Variants in ADGRV1 observed in about 807,000 individuals in gnomAD.
ADGRV1 encodes G-protein coupled receptor 98.
Under a neutral mutation model 596.2 loss-of-function variants are expected in ADGRV1, and 359 were observed. That is an observed-to-expected ratio of 0.60 (90% CI 0.55 to 0.66). The LOEUF is 0.66. Ranked by LOEUF, ADGRV1 falls within the 30% of genes least tolerant of loss-of-function variation. The pLI is 0.00. For missense variants in ADGRV1, 7,274 were observed against 7,575.6 expected (o/e 0.96, Z 1.48); for synonymous variants, 2,681 against 2,679.2 (o/e 1.00, Z -0.02).
At position 90,888,498 on chromosome 5, in the gene ADGRV1, C is replaced by A. The variant is rs74414980; in HGVS notation, c.17856+24641C>A. 9.6e-3 allele frequency among the ~76,000 whole-genome samples: 1,462 copies of A among 152,144 alleles called. 24 individuals carry two copies. The highest frequency in any genetic ancestry group is 0.033 in the African/African-American group (1,385 of 41,532). ...GTGCTTAAAAACAAAATAATACATTCTTGGCAAAAGTTGGAATGATACATT... is the reference window on the plus strand; with the variant it reads ...GTGCTTAAAAACAAAATAATACATTATTGGCAAAAGTTGGAATGATACATT... On this transcript the variant is annotated intron_variant, in intron 83 of 89. Transcript: ENST00000405460.
chr5:90,703,860 G>T, intron 35 of ADGRV1, 65 bp downstream of exon 35: 1 of 1,184,042 alleles, frequency 8.4e-7, no homozygotes, highest in Non-Finnish European at 1.2e-6. Flanking sequence ...GAGGAAAATG[G>T]GATAGAAAAG....
intron 87 of ADGRV1, among the ~76,000 whole-genome samples, chr5:91,110,139 T>A (rs140795277): frequency 6.6e-6 from 1 of 152,296 alleles, no homozygotes; most frequent in African/African-American, 2.4e-5. Context: ...TTTAAAAAAA[T>A]TGAGTTGAGT....
At chr5:91,014,070 T>C (rs1333660727) in intron 85 of ADGRV1, among the ~76,000 whole-genome samples, 1 of 151,420 alleles carries the variant, frequency 6.6e-6, no homozygotes, top group East Asian at 1.9e-4. Flanking sequence ...TCTATGTGTC[T>C]GTTTTTATAC....
intron 83 of ADGRV1, among the ~76,000 whole-genome samples, chr5:90,887,382 C>G (rs769803081): frequency 6.6e-6 from 1 of 152,140 alleles, no homozygotes; most frequent in African/African-American, 2.4e-5. Context: ...CCTCCCATCT[C>G]TCCAACAGAC....
intron 83 of ADGRV1, among the ~76,000 whole-genome samples, chr5:90,868,286 A>C (rs1768328273): frequency 6.6e-6 from 1 of 151,908 alleles, no homozygotes; most frequent in African/African-American, 2.4e-5. Context: ...AAATCCCATT[A>C]ATTAATTTTT....
chr5:90,657,735 T>C (rs528524011), intron 20 of ADGRV1, among the ~76,000 whole-genome samples, 170 bp from the exon 21 acceptor site: 1 of 151,908 alleles, frequency 6.6e-6, no homozygotes, highest in East Asian at 1.9e-4. Context: ...ATTCCTTTTT[T>C]AAAATCATAA....
intron 53 of ADGRV1, among the ~76,000 whole-genome samples, chr5:90,751,922 A>G (rs575666002): frequency 1.4e-4 from 21 of 152,310 alleles, no homozygotes; most frequent in Admixed American, 1.0e-3. Context: ...TTCTCCAGTT[A>G]TCATTTCTTA....
At chr5:90,763,172 C>A in intron 58 of ADGRV1, 133 bp from the exon 59 acceptor site, 2 of 843,906 alleles carry the variant, frequency 2.4e-6, no homozygotes, top group Non-Finnish European at 3.3e-6. Flanking sequence ...AATTTTTCTG[C>A]CACATGATAA....
At chr5:90,740,995 GTC>G (rs967785659) in intron 50 of ADGRV1, among the ~76,000 whole-genome samples, 6 of 152,198 alleles carry the variant, frequency 3.9e-5, no homozygotes, top group Non-Finnish European at 2.9e-5. Flanking sequence ...AGGTATTCTT[GTC>G]TCTGAATAGT....
chr5:90,652,026 G>A (rs1392583597), intron 18 of ADGRV1, among the ~76,000 whole-genome samples: 2 of 151,220 alleles, frequency 1.3e-5, no homozygotes, highest in Non-Finnish European at 2.9e-5. Context: ...TCTTCTCTCA[G>A]ATGATATGTG....
chr5:90,695,437 T>C (rs1382761658), intron 33 of ADGRV1, among the ~76,000 whole-genome samples: 1 of 152,138 alleles, frequency 6.6e-6, no homozygotes, highest in Admixed American at 6.6e-5. Flanking sequence ...ATTGAGATTA[T>C]TGATTACATC....
chr5:90,645,971 C>A lies in ADGRV1; in HGVS notation c.2902C>A (p.Pro968Thr), dbSNP rs1442654293. ...AAACGTGTAACATTTTCCAAAGATT[C>A]CAGAAGAAATGGAAGAATTTACCGT... ...ITIYSLPDEI[P>T]EEMEEFTVIL... Residue 968 changes from proline to threonine, a missense_variant, in exon 16 of 90, where the codon CCA (proline) becomes ACA (threonine). By Grantham distance (38) the Pro-to-Thr change is conservative (BLOSUM62 -1). Coordinates refer to ENST00000405460, the MANE Select transcript of ADGRV1 (RefSeq NM_032119.4). The A allele has an allele frequency of 6.3e-7, 1 of 1,581,868 alleles. No individual in the cohort carries two copies. Among genetic ancestry groups the A allele is most frequent in the Admixed American group, 1.7e-5 (1 of 57,554 alleles).
intron 85 of ADGRV1, among the ~76,000 whole-genome samples, chr5:91,009,268 G>C (rs1782534214): frequency 6.6e-6 from 1 of 152,138 alleles, no homozygotes; most frequent in African/African-American, 2.4e-5. Flanking sequence ...CAAGGCAGAT[G>C]ATAAAGAGAA....
chr5:90,986,178 C>G (rs1460678371), intron 85 of ADGRV1, among the ~76,000 whole-genome samples: 2 of 149,484 alleles, frequency 1.3e-5, no homozygotes, highest in African/African-American at 2.5e-5. Flanking sequence ...CCACTGAGCC[C>G]CTCTTAATAG....
chr5:90,714,638 A>C (rs1411320232), intron 42 of ADGRV1, among the ~76,000 whole-genome samples: 1 of 152,084 alleles, frequency 6.6e-6, no homozygotes, highest in Non-Finnish European at 1.5e-5. Flanking sequence ...TGTGTGAGGC[A>C]AGGATACAAC....
intron 70 of ADGRV1, among the ~76,000 whole-genome samples, chr5:90,796,416 C>T (rs369192360): frequency 1.1e-4 from 17 of 148,918 alleles, no homozygotes; most frequent in East Asian, 5.8e-4. Context: ...AGCAAGAAGA[C>T]GAGATTAGAG....
chr5:90,732,983 A>G (rs1445857051), intron 50 of ADGRV1, among the ~76,000 whole-genome samples: 2 of 152,240 alleles, frequency 1.3e-5, no homozygotes, highest in East Asian at 3.8e-4. Context: ...ATGGCAAATG[A>G]TGATCAAAGG....
intron 43 of ADGRV1, chr5:90,717,898 G>T (rs539517292): frequency 6.6e-6 from 1 of 152,150 alleles, no homozygotes; most frequent in Admixed American, 6.5e-5. Flanking sequence ...TGATCTGCCC[G>T]CCTCAACCTC....
At chr5:90,930,830 G>A (rs1274679312) in intron 83 of ADGRV1, among the ~76,000 whole-genome samples, 1 of 152,130 alleles carries the variant, frequency 6.6e-6, no homozygotes, top group Non-Finnish European at 1.5e-5. Flanking sequence ...CAATATGAGA[G>A]CCTGCATAAT....
Sources: gnomAD v4.1 joint callset for allele counts (sites outside exome capture counted in the v4.1 genomes callset) on GRCh38, gnomAD v4.1.1 for gene constraint, MANE v1.5 for transcripts, NCBI Gene and HGNC (gene_info 2026-07-23, HGNC 2026-07-21) for gene names.